NKAIN2: variants seen among roughly 807,000 people sequenced by gnomAD.
The protein encoded by NKAIN2 is sodium/potassium transporting ATPase interacting 2, also known as sodium/potassium-transporting ATPase subunit beta-1-interacting protein 2.
NKAIN2 carries 14 observed loss-of-function variants against 32.6 expected under a neutral mutation model. That is an observed-to-expected ratio of 0.43 (90% CI 0.28 to 0.67). The LOEUF (loss-of-function observed/expected upper bound fraction) is 0.67. Among genes scored for constraint, NKAIN2 ranks in the 30% least tolerant of loss-of-function variants. NKAIN2 has a pLI of 0.17. For missense variants in NKAIN2, 198 were observed against 258.3 expected (o/e 0.77, Z 1.60); for synonymous variants, 80 against 87.2 (o/e 0.92, Z 0.46).
chr6:124,404,680 T>A (rs985784573), intron 3 of NKAIN2, among the ~76,000 whole-genome samples: 2 of 152,072 alleles, frequency 1.3e-5, no homozygotes, highest in Non-Finnish European at 2.9e-5. Flanking sequence ...AAAACACTTA[T>A]TTTTTGAATA....
intron 1 of NKAIN2, among the ~76,000 whole-genome samples, chr6:124,082,635 T>C (rs1425759128): frequency 6.6e-6 from 1 of 151,644 alleles, no homozygotes; most frequent in Admixed American, 6.6e-5. Flanking sequence ...ACATGGCCAA[T>C]ATAAAAAAAA....
chr6:124,394,538 A>G (rs994599583), intron 3 of NKAIN2, among the ~76,000 whole-genome samples: 2 of 151,842 alleles, frequency 1.3e-5, no homozygotes, highest in African/African-American at 4.8e-5. Flanking sequence ...AGATAGATAC[A>G]TAGACAGTAT....
At chr6:124,716,465 T>C (rs567268035) in intron 4 of NKAIN2, among the ~76,000 whole-genome samples, 16 of 152,246 alleles carry the variant, frequency 1.1e-4, no homozygotes, top group African/African-American at 3.9e-4. Flanking sequence ...GATGGACCCT[T>C]AGGAAACATG....
intron 3 of NKAIN2, among the ~76,000 whole-genome samples, chr6:124,584,667 A>G (rs191159686): frequency 2.7e-3 from 416 of 151,844 alleles, no homozygotes; most frequent in Non-Finnish European, 4.2e-3. Context: ...AAAAAAAAAA[A>G]AAAAAAGACA....
At chr6:124,125,482 A>G (rs163296) in intron 1 of NKAIN2, among the ~76,000 whole-genome samples, 106,716 of 152,132 alleles carry the variant, frequency 0.7, 37,870 homozygotes, top group African/African-American at 0.81. Flanking sequence ...ATGGGATGGT[A>G]GGGAAAAGTA....
chr6:123,914,722 G>T (rs1273191082), intron 1 of NKAIN2, among the ~76,000 whole-genome samples: 3 of 152,062 alleles, frequency 2.0e-5, no homozygotes, highest in Non-Finnish European at 4.4e-5. Flanking sequence ...AACTGCATTA[G>T]CCAGAGATCA....
At chr6:124,134,824 C>A (rs1050129161) in intron 1 of NKAIN2, among the ~76,000 whole-genome samples, 3 of 152,222 alleles carry the variant, frequency 2.0e-5, no homozygotes, top group Admixed American at 1.3e-4. Flanking sequence ...AAAAGATTAT[C>A]ACCTAGGCAT....
chr6:123,889,594 A>G (rs1178678375), intron 1 of NKAIN2, among the ~76,000 whole-genome samples: 1 of 152,150 alleles, frequency 6.6e-6, no homozygotes, highest in Non-Finnish European at 1.5e-5. Flanking sequence ...TACATTTTAA[A>G]TGAGTGTCCA....
At chr6:124,607,060 T>C (rs766846982) in intron 3 of NKAIN2, among the ~76,000 whole-genome samples, 2 of 152,078 alleles carry the variant, frequency 1.3e-5, no homozygotes, top group Non-Finnish European at 2.9e-5. Context: ...CATGGAGTTG[T>C]TGCTGGAAAA....
At chr6:124,682,181 T>A (rs1466784937) in intron 4 of NKAIN2, among the ~76,000 whole-genome samples, 1 of 151,968 alleles carries the variant, frequency 6.6e-6, no homozygotes, top group Non-Finnish European at 1.5e-5. Flanking sequence ...TTAAATGAAA[T>A]GGTGAACAGA....
chr6:124,548,227 A>C (rs1244992167), intron 3 of NKAIN2, among the ~76,000 whole-genome samples: 2 of 152,222 alleles, frequency 1.3e-5, no homozygotes, highest in Non-Finnish European at 2.9e-5. Flanking sequence ...TCCTTGAAAT[A>C]AAAATTCATT....
At chr6:124,216,271 A>C (rs1200183622) in intron 1 of NKAIN2, among the ~76,000 whole-genome samples, 1 of 152,220 alleles carries the variant, frequency 6.6e-6, no homozygotes, top group East Asian at 1.9e-4. Flanking sequence ...CTCCAGGTAG[A>C]GAAAAGTTGC....
chr6:124,300,773 C>T (rs1391285584), intron 2 of NKAIN2, among the ~76,000 whole-genome samples: 2 of 152,132 alleles, frequency 1.3e-5, no homozygotes, highest in Non-Finnish European at 2.9e-5. Flanking sequence ...TGGCATTTTG[C>T]CCCTGCCCTA....
At chr6:124,015,138 C>T (rs1439597391) in intron 1 of NKAIN2, among the ~76,000 whole-genome samples, 1 of 152,092 alleles carries the variant, frequency 6.6e-6, no homozygotes, top group African/African-American at 2.4e-5. Flanking sequence ...GTCCAAATAC[C>T]ATTTCTCTCA....
At chr6:124,264,681 G>C (rs556174068) in intron 1 of NKAIN2, among the ~76,000 whole-genome samples, 1 of 152,174 alleles carries the variant, frequency 6.6e-6, no homozygotes, top group Non-Finnish European at 1.5e-5. Flanking sequence ...GTGGGGAAAG[G>C]ATGCTGAATA....
chr6:124,740,759 G>T (rs1375340634), intron 4 of NKAIN2, among the ~76,000 whole-genome samples: 1 of 151,360 alleles, frequency 6.6e-6, no homozygotes, highest in Non-Finnish European at 1.5e-5. Flanking sequence ...GAGAGAAGGA[G>T]CACAGTAGAG....
At chr6:124,341,963 G>T (rs1031272540) in intron 2 of NKAIN2, among the ~76,000 whole-genome samples, 2 of 152,184 alleles carry the variant, frequency 1.3e-5, no homozygotes, top group African/African-American at 2.4e-5. Flanking sequence ...ATAAGACCAT[G>T]GTGAGAATGC....
At position 124,304,763 on chromosome 6, in the gene NKAIN2, A is replaced by T. The variant is rs563715665; in HGVS notation, c.192+21621A>T. On this transcript the variant is annotated intron_variant, in intron 2 of 6. Coordinates refer to ENST00000368417, the MANE Select transcript of NKAIN2 (RefSeq NM_001040214.3). ...ACCCCATCTCTACTAAAATACAAAA[A>T]ATTAGCCAGGCGTGGTGGTGTGTGC... is the stretch of plus-strand genomic sequence containing the variant. Among the ~76,000 whole-genome samples the T allele has an allele frequency of 6.6e-5, 10 of 152,192 alleles. No homozygotes were observed. The East Asian group carries it at 1.7e-3, about 26-fold the overall frequency.
intron 1 of NKAIN2, among the ~76,000 whole-genome samples, chr6:124,091,636 C>A (rs1174761658): frequency 3.3e-5 from 5 of 151,938 alleles, no homozygotes; most frequent in Non-Finnish European, 5.9e-5. Context: ...TTCTCTCTTA[C>A]TGAGGAGCAC....
Sources: allele counts gnomAD v4.1 joint callset (sites outside exome capture counted in the v4.1 genomes callset), GRCh38; gene constraint gnomAD v4.1.1; transcripts MANE v1.5; gene names NCBI Gene and HGNC (gene_info 2026-07-23, HGNC 2026-07-21).